The following TMEM108 variants were observed in gnomAD, a reference collection of about 807,000 sequenced individuals.
TMEM108 encodes the protein transmembrane protein 108.
A neutral mutation model predicts 35.1 loss-of-function variants in TMEM108; 12 were observed. That is an observed-to-expected ratio of 0.34 (90% confidence interval 0.22 to 0.55). TMEM108 has a LOEUF of 0.55. TMEM108 is among the 20% of genes least tolerant of loss of function. TMEM108 has a pLI of 0.89. For missense variants in TMEM108, 680 were observed against 753.3 expected (o/e 0.90, Z 1.14); for synonymous variants, 287 against 308.6 (o/e 0.93, Z 0.73).
chr3:133,323,921 C>G (rs1400568162), intron 3 of TMEM108, among the ~76,000 whole-genome samples: 1 of 151,990 alleles, frequency 6.6e-6, no homozygotes, highest in Admixed American at 6.6e-5. Flanking sequence ...AACATAAAGT[C>G]AGGAAGGGAC....
At chr3:133,054,916 T>C (rs1270168152) in intron 2 of TMEM108, among the ~76,000 whole-genome samples, 1 of 152,202 alleles carries the variant, frequency 6.6e-6, no homozygotes, top group Non-Finnish European at 1.5e-5. Context: ...AATGCAGCTT[T>C]TGTTGAAAGA....
chr3:133,109,008 C>T (rs1310726268), intron 2 of TMEM108, among the ~76,000 whole-genome samples: 6 of 152,172 alleles, frequency 3.9e-5, no homozygotes, highest in East Asian at 1.9e-4. Flanking sequence ...AAAAGTTGTT[C>T]GTGAAGATGA....
At chr3:133,232,994 A>C (rs1055317087) in intron 3 of TMEM108, among the ~76,000 whole-genome samples, 3 of 151,142 alleles carry the variant, frequency 2.0e-5, no homozygotes, top group Non-Finnish European at 4.4e-5. Flanking sequence ...TTGAGACATC[A>C]GACAGGTTCA....
At chr3:133,305,516 A>C (rs1414785214) in intron 3 of TMEM108, among the ~76,000 whole-genome samples, 1 of 74,116 alleles carries the variant, frequency 1.3e-5, no homozygotes, top group Admixed American at 1.7e-4. Flanking sequence ...AAGTATAATA[A>C]AATAAATAAA....
rs144385252 is a variant in TMEM108, at chr3:133,323,644, T to C, written c.41-56108T>C. Among the ~76,000 whole-genome samples, 646 of 152,096 alleles carry C rather than the reference T, an allele frequency of 4.2e-3. 2 individuals carry two copies. The highest frequency in any genetic ancestry group is 0.014 in the African/African-American group (599 of 41,492). ...CAGTGCAACTCCCATCAAAATACCA[T>C]CATCATTCTTCACAAAACTAGAAAA... On this transcript the variant is annotated intron_variant, in intron 3 of 5. Transcript: ENST00000321871.
At chr3:133,157,337 T>C (rs1028468566) in intron 2 of TMEM108, among the ~76,000 whole-genome samples, 2 of 152,214 alleles carry the variant, frequency 1.3e-5, no homozygotes, top group East Asian at 3.8e-4. Flanking sequence ...AGGGAAAAGT[T>C]ACTGGTCAAG....
At chr3:133,194,722 T>C (rs1945552415) in intron 2 of TMEM108, among the ~76,000 whole-genome samples, 1 of 152,204 alleles carries the variant, frequency 6.6e-6, no homozygotes, top group Non-Finnish European at 1.5e-5. Flanking sequence ...AGCTTTCTTA[T>C]GTTAAAGGCT....
At chr3:133,202,469 A>T (rs1263601895) in intron 2 of TMEM108, among the ~76,000 whole-genome samples, 1 of 152,146 alleles carries the variant, frequency 6.6e-6, no homozygotes, top group Non-Finnish European at 1.5e-5. Flanking sequence ...TAATTTTTGT[A>T]TACGGTGTAA....
At chr3:133,212,114 A>C (rs1945841699) in intron 2 of TMEM108, among the ~76,000 whole-genome samples, 2 of 152,136 alleles carry the variant, frequency 1.3e-5, no homozygotes, top group African/African-American at 4.8e-5. Context: ...CCCTCCAGGG[A>C]CAGGCACTCT....
chr3:133,091,196 A>C (rs890768224), intron 2 of TMEM108, among the ~76,000 whole-genome samples: 1 of 152,150 alleles, frequency 6.6e-6, no homozygotes, highest in Admixed American at 6.5e-5. Context: ...TTTAATTTGT[A>C]TATCTTTGAT....
chr3:133,218,903 G>T (rs1366060923), intron 2 of TMEM108, among the ~76,000 whole-genome samples: 1 of 151,964 alleles, frequency 6.6e-6, no homozygotes, highest in African/African-American at 2.4e-5. Flanking sequence ...CTAAAAATGA[G>T]TTGTAATTAT....
chr3:133,370,254 A>G (rs2072619935), intron 3 of TMEM108, among the ~76,000 whole-genome samples: 1 of 151,130 alleles, frequency 6.6e-6, no homozygotes, highest in East Asian at 1.9e-4. Context: ...TGGCTGTGAC[A>G]GCTGCTCAGA....
At chr3:133,064,027 T>C (rs1201290358) in intron 2 of TMEM108, among the ~76,000 whole-genome samples, 1 of 152,244 alleles carries the variant, frequency 6.6e-6, no homozygotes, top group Non-Finnish European at 1.5e-5. Flanking sequence ...ATTCATTTAT[T>C]GCTTCTTTCC....
At chr3:133,384,232 C>T (rs1017431160) in intron 4 of TMEM108, among the ~76,000 whole-genome samples, 1 of 152,226 alleles carries the variant, frequency 6.6e-6, no homozygotes, top group Non-Finnish European at 1.5e-5. Context: ...ATTTCAGGCA[C>T]TCTGAGTCAG....
At chr3:133,329,432 T>A (rs987975313) in intron 3 of TMEM108, among the ~76,000 whole-genome samples, 1 of 152,128 alleles carries the variant, frequency 6.6e-6, no homozygotes, top group Non-Finnish European at 1.5e-5. Context: ...GCCTGGCAGG[T>A]GACTGGCAGA....
chr3:133,127,531 C>G (rs1236934397), intron 2 of TMEM108, among the ~76,000 whole-genome samples: 1 of 152,168 alleles, frequency 6.6e-6, no homozygotes, highest in East Asian at 1.9e-4. Context: ...ACCTGCCTGG[C>G]AAGGAGTTAT....
At chr3:133,315,102 C>G (rs1170036116) in intron 3 of TMEM108, among the ~76,000 whole-genome samples, 6 of 152,138 alleles carry the variant, frequency 3.9e-5, no homozygotes, top group Non-Finnish European at 7.3e-5. Context: ...AAGATAACAT[C>G]GATCAAGTGC....
intron 2 of TMEM108, among the ~76,000 whole-genome samples, chr3:133,167,892 G>C (rs578256490): frequency 6.6e-5 from 10 of 152,132 alleles, no homozygotes; most frequent in Non-Finnish European, 8.8e-5. Flanking sequence ...GGGCACCGAG[G>C]CTGAGGAGGC....
chr3:133,248,040 A>T (rs1295145532), intron 3 of TMEM108: 4 of 152,210 alleles, frequency 2.6e-5, no homozygotes, highest in African/African-American at 9.6e-5. Flanking sequence ...GTAGGAAGCT[A>T]TAAGTCAAGC....
Sources: allele counts gnomAD v4.1 joint callset (sites outside exome capture counted in the v4.1 genomes callset), GRCh38; gene constraint gnomAD v4.1.1; transcripts MANE v1.5; gene names NCBI Gene and HGNC (gene_info 2026-07-23, HGNC 2026-07-21).